The following PRKCZ variants were observed in gnomAD, a reference collection of about 807,000 sequenced individuals.
The protein encoded by PRKCZ is protein kinase C zeta type.
PRKCZ carries 33 observed loss-of-function variants against 79.5 expected under a neutral mutation model. The observed-to-expected ratio is 0.41, with a 90% CI of 0.31 to 0.55. The LOEUF (loss-of-function observed/expected upper bound fraction) is 0.55, where lower values mean the gene tolerates loss of function less well. Ranked by LOEUF, PRKCZ falls within the 20% of genes least tolerant of loss-of-function variation. The pLI, the probability that PRKCZ is intolerant of heterozygous loss-of-function variation, is 0.19. For missense variants in PRKCZ, 578 were observed against 813.5 expected (o/e 0.71, Z 3.52); for synonymous variants, 342 against 320.9 (o/e 1.07, Z -0.70).
At chr1:2,184,772 T>G in intron 17 of PRKCZ, 74 bp downstream of exon 17, 1 of 1,469,002 alleles carries the variant, frequency 6.8e-7, no homozygotes. Flanking sequence ...CTTGGGCAGC[T>G]GGTGACCCAG....
At chr1:2,160,501 T>C (rs1243089352) in intron 10 of PRKCZ, among the ~76,000 whole-genome samples, 1 of 152,168 alleles carries the variant, frequency 6.6e-6, no homozygotes, top group Non-Finnish European at 1.5e-5. Context: ...CAATGGTGTG[T>C]GTCAGGGACA....
chr1:2,120,760 C>T (rs1264069995), intron 4 of PRKCZ, among the ~76,000 whole-genome samples: 1 of 152,004 alleles, frequency 6.6e-6, no homozygotes, highest in Non-Finnish European at 1.5e-5. Context: ...CTTATTTCAC[C>T]CAATCTACTC....
intron 7 of PRKCZ, among the ~76,000 whole-genome samples, chr1:2,148,502 C>T (rs1171547946): frequency 2.6e-5 from 4 of 152,240 alleles, no homozygotes; most frequent in African/African-American, 4.8e-5. Flanking sequence ...TCCATCTATC[C>T]GTCTTCTATC....
chr1:2,117,430 C>G (rs1351128136), intron 4 of PRKCZ, among the ~76,000 whole-genome samples: 1 of 150,838 alleles, frequency 6.6e-6, no homozygotes, highest in African/African-American at 2.4e-5. Context: ...ACTCATTTGT[C>G]TTGGCCTCTC....
chr1:2,161,308 C>T (rs901685851), intron 10 of PRKCZ, among the ~76,000 whole-genome samples: 31 of 152,244 alleles, frequency 2.0e-4, no homozygotes, highest in Non-Finnish European at 4.3e-4. Context: ...GCCTGTGGCC[C>T]CCACAAGGCT....
At chr1:2,150,023 G>A (rs1471197987) in intron 8 of PRKCZ, among the ~76,000 whole-genome samples, 1 of 151,176 alleles carries the variant, frequency 6.6e-6, no homozygotes, top group Non-Finnish European at 1.5e-5. Context: ...AAAGCTGGGC[G>A]TGGTGGCGGG....
At position 2,185,006 on chromosome 1, in the gene PRKCZ, G is replaced by A. The variant is rs1387922418; in HGVS notation, c.1776G>A (p.Val592=). Residue 592 remains valine (V), a synonymous_variant, in exon 18 of 18, where the codon GTG becomes GTA. Transcript: ENST00000378567. The stretch of plus-strand genomic sequence containing the variant: ...TATTGCTGTCCACCGAGGAGTCGGT[G>A]TGAGGCCGCGTGCGTCTCTGTCGTG... ...NPLLLSTEES[V] is the part of the protein sequence containing the mutation. 22 of 1,611,312 alleles carry A rather than the reference G, an allele frequency of 1.4e-5. No homozygotes were observed. The highest frequency in any genetic ancestry group is 1.9e-5 in the Non-Finnish European group (22 of 1,178,638).
At chr1:2,169,218 G>A (rs1428626643) in intron 10 of PRKCZ, 2 of 483,620 alleles carry the variant, frequency 4.1e-6, no homozygotes, top group South Asian at 1.5e-5. Context: ...ACCTGGTGAC[G>A]GGCCACCTCC....
chr1:2,089,515 G>T (rs974622183), intron 4 of PRKCZ, among the ~76,000 whole-genome samples: 3 of 152,180 alleles, frequency 2.0e-5, no homozygotes, highest in African/African-American at 4.8e-5. Context: ...CAGATTTGGT[G>T]CCTGGTAAGG....
rs143846968 is a variant in PRKCZ at position 2,170,989 on chromosome 1, G to A, written c.1062-1066G>A. Among the ~76,000 whole-genome samples the A allele has an allele frequency of 7.3e-3, 1,112 of 152,272 alleles. 55 individuals carry two copies. Among genetic ancestry groups the A allele is most frequent in the Admixed American group, 0.065 (992 of 15,304 alleles). ...GTAATCTCTTGAACACCCTGCTTCC[G>A]GTTCTTTGGGGTATACACCCAGAAA... On this transcript the variant is annotated intron_variant, in intron 11 of 17. Transcript: ENST00000378567.
intron 5 of PRKCZ, among the ~76,000 whole-genome samples, chr1:2,140,868 T>C (rs1228288352): frequency 6.6e-6 from 1 of 152,180 alleles, no homozygotes; most frequent in African/African-American, 2.4e-5. Context: ...CTCAGGAGGC[T>C]GAGACAGGAG....
chr1:2,155,445 A>G (rs1194087450), intron 9 of PRKCZ, among the ~76,000 whole-genome samples: 1 of 88,548 alleles, frequency 1.1e-5, no homozygotes, highest in Non-Finnish European at 2.8e-5. Context: ...TGTGATGGTG[A>G]TGATGGTGGT....
At chr1:2,065,313 A>G (rs1423921432) in intron 4 of PRKCZ, among the ~76,000 whole-genome samples, 2 of 152,048 alleles carry the variant, frequency 1.3e-5, no homozygotes, top group African/African-American at 4.8e-5. Flanking sequence ...TTTCCTTCCT[A>G]ATTTGGATGC....
At chr1:2,118,031 A>T in intron 4 of PRKCZ, among the ~76,000 whole-genome samples, 1 of 98,846 alleles carries the variant, frequency 1.0e-5, no homozygotes. Context: ...TCACTCTGTC[A>T]CCCAGGCTGG....
Position 2,106,718 on chromosome 1 carries a change from ATG to A in PRKCZ, c.335-28543_335-28542del, listed in dbSNP as rs1557575302. On this transcript the variant is annotated intron_variant, in intron 4 of 17. Coordinates refer to ENST00000378567, the MANE Select transcript of PRKCZ (RefSeq NM_002744.6). ...GCCCCTCCGGTGGGCGAGGACCTCCATGCGTGTCACCAGGCCAGGTAACTCTC... is the reference window on the plus strand; with the variant it reads ...GCCCCTCCGGTGGGCGAGGACCTCCACGTGTCACCAGGCCAGGTAACTCTC... Among the ~76,000 whole-genome samples the A allele has an allele frequency of 9.0e-4, 93 of 103,258 alleles. 4 individuals carry two copies. Among genetic ancestry groups the A allele is most frequent in the South Asian group, 2.5e-3 (8 of 3,148 alleles). The allele number at this position is 103,258 out of a possible 152,430, so 67.7% of individuals were successfully genotyped here.
In PRKCZ at chr1:2,100,389, G is replaced by C. The variant is rs867086625; in HGVS notation, c.335-34873G>C. On this transcript the variant is annotated intron_variant, in intron 4 of 17. Transcript: ENST00000378567. ...TGTCTGTCCCTGCCCAGAGGCCCCA[G>C]CTGCCCCTTCCTCCAGGCACCTCCC... 7.9e-5 allele frequency among the ~76,000 whole-genome samples: 12 copies of C among 152,330 alleles called. 1 individual carries two copies. The highest frequency in any genetic ancestry group is 6.8e-3 in the Middle Eastern group (2 of 294).
At chr1:2,050,775 C>T (rs1047202298) in intron 1 of PRKCZ, 74 bp downstream of exon 1, 17 of 982,294 alleles carry the variant, frequency 1.7e-5, no homozygotes, top group Non-Finnish European at 2.2e-5. Context: ...GTCGGGGCTC[C>T]TGCGCGAGAG....
In PRKCZ at chr1:2,165,295, C is replaced by T. The variant is rs771823294; in HGVS notation, c.975-4223C>T. Among the ~76,000 whole-genome samples the T allele has an allele frequency of 5.3e-5, 8 of 152,174 alleles. No homozygotes were observed. Among genetic ancestry groups the T allele is most frequent in the Admixed American group, 2.0e-4 (3 of 15,282 alleles). Reference sequence around the variant, plus strand: ...ACGGTGCTGTCACCGCTGTGATGTCCGCTGTGAGGTGGGGACAGGACCTGG... The same window carrying T: ...ACGGTGCTGTCACCGCTGTGATGTCTGCTGTGAGGTGGGGACAGGACCTGG... On this transcript the variant is annotated intron_variant, in intron 10 of 17. Transcript: ENST00000378567. This position sits in a 1 kb window ranked among gnomAD's most constrained non-coding sequence, Gnocchi z 4.1.
rs1301203192 is a variant in PRKCZ, at chr1:2,169,593, G to A, written c.1050G>A (p.Glu350=). ...FHMQRQRKLP[E]EHARFYAAEI... ...TGCAGAGGCAGAGGAAGCTCCCTGA[G>A]GAGCACGCCAGGTGGGTGCGCGTGG... The change falls in exon 11 of 18, where the codon GAG becomes GAA. Residue 350 remains glutamate (E), a synonymous_variant. Coordinates refer to ENST00000378567, the MANE Select transcript of PRKCZ (RefSeq NM_002744.6). The A allele has an allele frequency of 1.3e-6, 2 of 1,519,068 alleles. No individual in the cohort carries two copies. The highest frequency in any genetic ancestry group is 1.8e-6 in the Non-Finnish European group (2 of 1,125,786). 94.1% of individuals were successfully genotyped at this position (1,519,068 alleles called of 1,614,324 possible).
Sources: gnomAD v4.1 joint callset for allele counts (sites outside exome capture counted in the v4.1 genomes callset) on GRCh38, gnomAD v4.1.1 for gene constraint, Gnocchi (gnomAD v3.1) non-coding constraint, MANE v1.5 for transcripts, NCBI Gene and HGNC (gene_info 2026-07-23, HGNC 2026-07-21) for gene names.